TOX: variants seen among roughly 807,000 people sequenced by gnomAD.
TOX encodes thymocyte selection associated high mobility group box.
In TOX, 11 loss-of-function variants were observed where a neutral mutation model predicts 53.7. The observed-to-expected ratio is 0.20, with a 90% CI of 0.13 to 0.34. The LOEUF (loss-of-function observed/expected upper bound fraction) is 0.34, where lower values mean the gene tolerates loss of function less well. Ranked by LOEUF, TOX falls within the 10% of genes least tolerant of loss-of-function variation. The pLI, the probability that TOX is intolerant of heterozygous loss-of-function variation, is 1.00. For synonymous variants in TOX, 225 were observed against 245.3 expected (o/e 0.92, Z 0.77); for missense variants, 570 against 664.6 (o/e 0.86, Z 1.56).
Position 58,851,520 on chromosome 8 carries a change from A to C in TOX, c.693+4T>G, listed in dbSNP as rs1810820770. ...CATAGGTCCTAAAAATAACTTATTCATACCTTAGAGGTATCATCGCCTTCA... is the reference window on the plus strand; with the variant it reads ...CATAGGTCCTAAAAATAACTTATTCCTACCTTAGAGGTATCATCGCCTTCA... On this transcript the variant is annotated splice_donor_region_variant and intron_variant, in intron 4 of 8. Coordinates refer to ENST00000361421, the MANE Select transcript of TOX (RefSeq NM_014729.3). This position sits in a 1 kb window ranked among gnomAD's most constrained non-coding sequence, Gnocchi z 4.4. 2 of 1,612,050 alleles carry C rather than the reference A, an allele frequency of 1.2e-6. No homozygotes were observed. The highest frequency in any genetic ancestry group is 1.3e-5 in the African/African-American group (1 of 74,820).
intron 1 of TOX, among the ~76,000 whole-genome samples, chr8:59,058,216 A>G (rs34057191): frequency 2.7e-3 from 406 of 152,346 alleles, no homozygotes; most frequent in Non-Finnish European, 3.8e-3. Context: ...AGGCAGCACT[A>G]GCATTTGGAA....
intron 7 of TOX, among the ~76,000 whole-genome samples, chr8:58,810,490 C>T (rs1810058826): frequency 6.6e-6 from 1 of 151,992 alleles, no homozygotes; most frequent in Admixed American, 6.6e-5. Context: ...ACAGGTGCTG[C>T]CATTATGCCT....
chr8:58,905,244 C>T (rs1375682804), intron 3 of TOX, among the ~76,000 whole-genome samples: 1 of 152,128 alleles, frequency 6.6e-6, no homozygotes, highest in Non-Finnish European at 1.5e-5. Context: ...CATATCTATA[C>T]TATACAAAAG....
chr8:59,060,368 C>G (rs1803960387), intron 1 of TOX, among the ~76,000 whole-genome samples: 1 of 152,222 alleles, frequency 6.6e-6, no homozygotes, highest in Non-Finnish European at 1.5e-5. Context: ...TGGCTCACGC[C>G]CGTAATCCTG....
At chr8:58,841,642 G>T (rs1302622156) in intron 4 of TOX, among the ~76,000 whole-genome samples, 4 of 152,174 alleles carry the variant, frequency 2.6e-5, no homozygotes, top group African/African-American at 9.7e-5. Context: ...TTTGTTAAGA[G>T]AGTAGGTTTT....
At chr8:58,813,835 A>G (rs1197672114) in intron 7 of TOX, among the ~76,000 whole-genome samples, 3 of 152,212 alleles carry the variant, frequency 2.0e-5, no homozygotes, top group East Asian at 1.9e-4. Flanking sequence ...GAATTTAAAG[A>G]TCCTTTGAAT....
At chr8:58,961,220 T>C (rs1012960164) in intron 1 of TOX, among the ~76,000 whole-genome samples, 1 of 152,038 alleles carries the variant, frequency 6.6e-6, no homozygotes, top group Non-Finnish European at 1.5e-5. Context: ...CCAGAGTGGG[T>C]GCCCTGAAAA....
At chr8:58,999,577 T>C (rs939960383) in intron 1 of TOX, among the ~76,000 whole-genome samples, 1 of 152,134 alleles carries the variant, frequency 6.6e-6, no homozygotes, top group Non-Finnish European at 1.5e-5. Context: ...AAATATGAAA[T>C]ATGAATTAAA....
chr8:58,965,301 C>A (rs1812873416), intron 1 of TOX, among the ~76,000 whole-genome samples: 1 of 152,166 alleles, frequency 6.6e-6, no homozygotes, highest in Non-Finnish European at 1.5e-5. Context: ...GGGATGCAAT[C>A]ATATAAAAAG....
intron 3 of TOX, among the ~76,000 whole-genome samples, chr8:58,912,033 C>T (rs1045604142): frequency 6.6e-6 from 1 of 152,218 alleles, no homozygotes; most frequent in African/African-American, 2.4e-5. Context: ...CCCCCGGCTC[C>T]ACCCCAGCCT....
intron 3 of TOX, among the ~76,000 whole-genome samples, chr8:58,887,639 T>C (rs1811492279): frequency 6.6e-6 from 1 of 152,018 alleles, no homozygotes; most frequent in Admixed American, 6.6e-5. Context: ...ACCAACCTAT[T>C]TCATTGTATT....
chr8:59,016,040 T>C (rs1814003177), intron 1 of TOX, among the ~76,000 whole-genome samples: 1 of 152,156 alleles, frequency 6.6e-6, no homozygotes, highest in Non-Finnish European at 1.5e-5. Flanking sequence ...ATGACCTAAA[T>C]AACAAATTAG....
Position 58,998,531 on chromosome 8 carries a change from A to AATAAATT in TOX, c.103-38524_103-38523insAATTTAT, listed in dbSNP as rs1563413495. Among the ~76,000 whole-genome samples, 51 of 22,784 alleles carry AATAAATT rather than the reference A, an allele frequency of 2.2e-3. 4 individuals carry two copies. The highest frequency in any genetic ancestry group is 7.0e-3 in the African/African-American group (44 of 6,286). The allele number at this position is 22,784 out of a possible 152,430, so 14.9% of individuals were successfully genotyped here. A position where few individuals can be genotyped will look rare whatever the true frequency, so the allele number is the denominator to read the frequency against. ...TATATATATATATATATATATATAT[A>AATAAATT]TATATATAAATTTATATATAATAAA... On this transcript the variant is annotated intron_variant, in intron 1 of 8. Transcript: ENST00000361421.
intron 1 of TOX, among the ~76,000 whole-genome samples, chr8:59,013,716 A>G (rs1813957897): frequency 1.3e-5 from 2 of 152,184 alleles, no homozygotes; most frequent in Admixed American, 1.3e-4. Flanking sequence ...GCCATCAAAT[A>G]GGTTTCTATG....
chr8:58,890,630 T>G (rs995899634), intron 3 of TOX, among the ~76,000 whole-genome samples: 2 of 152,118 alleles, frequency 1.3e-5, no homozygotes, highest in Non-Finnish European at 2.9e-5. Flanking sequence ...GAGAAAGGTC[T>G]TAGGCATTGG....
intron 4 of TOX, among the ~76,000 whole-genome samples, chr8:58,848,950 T>G (rs2129167948): frequency 6.6e-6 from 1 of 152,236 alleles, no homozygotes; most frequent in East Asian, 1.9e-4. Flanking sequence ...TTAGTTCACT[T>G]GTTAGAAATG....
intron 1 of TOX, among the ~76,000 whole-genome samples, chr8:59,082,929 C>T (rs894901849): frequency 2.0e-5 from 3 of 152,134 alleles, no homozygotes; most frequent in Admixed American, 6.5e-5. Context: ...TTCTCCCTAC[C>T]CCAACCCCTT....
At chr8:59,040,056 G>A (rs1803547054) in intron 1 of TOX, among the ~76,000 whole-genome samples, 2 of 152,174 alleles carry the variant, frequency 1.3e-5, no homozygotes, top group Non-Finnish European at 2.9e-5. Flanking sequence ...TCGGCCGGGC[G>A]CGGCGGCTCA....
At chr8:58,816,332 A>G (rs936183155) in intron 6 of TOX, among the ~76,000 whole-genome samples, 2 of 152,218 alleles carry the variant, frequency 1.3e-5, no homozygotes, top group Admixed American at 1.3e-4. Context: ...GAAGTTGGTG[A>G]TGAATTGTCC....
Sources: allele counts gnomAD v4.1 joint callset (sites outside exome capture counted in the v4.1 genomes callset), GRCh38; gene constraint gnomAD v4.1.1; non-coding constraint Gnocchi (gnomAD v3.1); transcripts MANE v1.5; gene names NCBI Gene and HGNC (gene_info 2026-07-23, HGNC 2026-07-21).